Variants in MSI2 observed in about 807,000 individuals in gnomAD.
MSI2 encodes RNA-binding protein Musashi homolog 2.
Under a neutral mutation model 45.6 loss-of-function variants are expected in MSI2, and 17 were observed. The observed-to-expected ratio is 0.37, with a 90% CI of 0.26 to 0.56. The LOEUF (loss-of-function observed/expected upper bound fraction) is 0.56, where lower values mean the gene tolerates loss of function less well. Among genes scored for constraint, MSI2 ranks in the 20% least tolerant of loss-of-function variants. The pLI is 0.77. For synonymous variants in MSI2, 156 were observed against 158.2 expected, an observed-to-expected ratio of 0.99 and a Z score of 0.11; for missense variants, 293 against 444.2, an observed-to-expected ratio of 0.66 and a Z score of 3.06.
At chr17:57,313,598 T>G (rs979157632) in intron 5 of MSI2, among the ~76,000 whole-genome samples, 5 of 152,182 alleles carry the variant, frequency 3.3e-5, no homozygotes, top group African/African-American at 7.2e-5. Flanking sequence ...ATGATTATTC[T>G]TGGCTGCCTA....
At chr17:57,620,467 A>G (rs2144580671) in intron 9 of MSI2, among the ~76,000 whole-genome samples, 1 of 152,332 alleles carries the variant, frequency 6.6e-6, no homozygotes, top group East Asian at 1.9e-4. Flanking sequence ...AAAGTGTGGA[A>G]AAGATGTGTG....
downstream of MSI2, among the ~76,000 whole-genome samples, chr17:57,687,562 C>T (rs1383612774): frequency 1.3e-5 from 2 of 151,758 alleles, no homozygotes; most frequent in African/African-American, 4.8e-5. Flanking sequence ...AGTGGAAAAC[C>T]AGGATAAACT....
intron 7 of MSI2, among the ~76,000 whole-genome samples, chr17:57,579,192 A>G (rs993045162): frequency 2.0e-5 from 3 of 152,252 alleles, no homozygotes; most frequent in African/African-American, 7.2e-5. Flanking sequence ...AACTAAGGAA[A>G]GGATGACAGC....
In MSI2 at chr17:57,397,507, A is replaced by C. The variant is rs928153731; in HGVS notation, c.313-3872A>C. Among the ~76,000 whole-genome samples, 4 of 152,344 alleles carry C rather than the reference A, an allele frequency of 2.6e-5. No individual in the cohort carries two copies. The East Asian group carries it at 7.7e-4, about 29-fold the overall frequency. On this transcript the variant is annotated intron_variant, in intron 5 of 13. Coordinates refer to ENST00000284073, the MANE Select transcript of MSI2 (RefSeq NM_138962.4). ...AATTCGAGGACCTCCATTTAGTCCC[A>C]CTGAAAGTCAGGACACAACATCCCA...
chr17:57,346,130 T>C (rs1427198921), intron 5 of MSI2, among the ~76,000 whole-genome samples: 1 of 152,244 alleles, frequency 6.6e-6, no homozygotes, highest in African/African-American at 2.4e-5. Flanking sequence ...TATTATTTAC[T>C]TAATACTTTT....
At chr17:57,517,228 G>C (rs1178484081) in intron 6 of MSI2, among the ~76,000 whole-genome samples, 2 of 152,236 alleles carry the variant, frequency 1.3e-5, no homozygotes, top group Non-Finnish European at 2.9e-5. Flanking sequence ...GATGACTTTA[G>C]GGATAAGGGG....
At chr17:57,433,859 T>G (rs1020913917) in intron 6 of MSI2, among the ~76,000 whole-genome samples, 5 of 152,246 alleles carry the variant, frequency 3.3e-5, no homozygotes, top group Admixed American at 6.5e-5. Flanking sequence ...TCCTAACCAG[T>G]GTTTTTTGTA....
chr17:57,271,056 C>A (rs1908310612), intron 5 of MSI2, among the ~76,000 whole-genome samples: 1 of 152,170 alleles, frequency 6.6e-6, no homozygotes, highest in Non-Finnish European at 1.5e-5. Context: ...CGGGGAGCAG[C>A]TAGGGAACAG....
chr17:57,422,287 C>T (rs59928727), intron 6 of MSI2, among the ~76,000 whole-genome samples: 3,896 of 152,160 alleles, frequency 0.026, 168 homozygotes, highest in African/African-American at 0.087. Flanking sequence ...TGGTGAAACC[C>T]CATCTCTACT....
rs79263952 is a variant in MSI2 at position 57,309,734 on chromosome 17, G to A, written c.312+47542G>A. ...TTCCTGAGATCCTGCTCAGGAAGGAGTCGTTGGGGAAGAGGAGGCAGAGAG... is the reference window on the plus strand; with the variant it reads ...TTCCTGAGATCCTGCTCAGGAAGGAATCGTTGGGGAAGAGGAGGCAGAGAG... On this transcript the variant is annotated intron_variant, in intron 5 of 13. Coordinates refer to ENST00000284073, the MANE Select transcript of MSI2 (RefSeq NM_138962.4). Among the ~76,000 whole-genome samples, 369 of 152,298 alleles carry A rather than the reference G, an allele frequency of 2.4e-3. 1 individual carries two copies. The highest frequency in any genetic ancestry group is 0.014 in the Middle Eastern group (4 of 294).
chr17:57,419,232 GA>G (rs2084351182), intron 6 of MSI2, among the ~76,000 whole-genome samples: 1 of 151,568 alleles, frequency 6.6e-6, no homozygotes, highest in Non-Finnish European at 1.5e-5. Context: ...ACTGGTTAAG[GA>G]CATGAAACAA....
intron 7 of MSI2, among the ~76,000 whole-genome samples, chr17:57,575,112 G>C (rs1211828771): frequency 1.3e-5 from 2 of 151,584 alleles, no homozygotes; most frequent in Non-Finnish European, 2.9e-5. Context: ...TTACAGGCGT[G>C]AGCCACTGTG....
At chr17:57,566,740 G>C (rs1433821689) in intron 7 of MSI2, among the ~76,000 whole-genome samples, 2 of 152,204 alleles carry the variant, frequency 1.3e-5, no homozygotes, top group African/African-American at 2.4e-5. Flanking sequence ...ACGAAGCTGG[G>C]CTTGCCCGAG....
At chr17:57,451,428 GGTT>G (rs1277622377) in intron 6 of MSI2, among the ~76,000 whole-genome samples, 8 of 152,214 alleles carry the variant, frequency 5.3e-5, no homozygotes, top group Admixed American at 5.2e-4. Context: ...TCAAAGAACT[GGTT>G]GTTGTTTCAG....
At chr17:57,507,919 G>A (rs987819431) in intron 6 of MSI2, among the ~76,000 whole-genome samples, 3 of 152,204 alleles carry the variant, frequency 2.0e-5, no homozygotes, top group African/African-American at 7.2e-5. Context: ...GTCCTGAGAT[G>A]ATAGGTGTGA....
intron 5 of MSI2, among the ~76,000 whole-genome samples, chr17:57,314,802 C>A (rs577150858): frequency 1.1e-4 from 16 of 152,228 alleles, no homozygotes; most frequent in Non-Finnish European, 2.4e-4. Flanking sequence ...GATCTCCTGA[C>A]TTTGTGATCT....
At chr17:57,575,153 C>CCCCCG (rs2087998964) in intron 7 of MSI2, among the ~76,000 whole-genome samples, 1 of 138,544 alleles carries the variant, frequency 7.2e-6, no homozygotes, top group African/African-American at 2.8e-5. Flanking sequence ...TAACTCCCTC[C>CCCCCG]CCCCGCCACC....
At chr17:57,660,380 G>A (rs757259812) in intron 11 of MSI2, among the ~76,000 whole-genome samples, 16 of 152,184 alleles carry the variant, frequency 1.1e-4, no homozygotes, top group Admixed American at 6.5e-5. Flanking sequence ...TCTTTACACG[G>A]TGGTGTAAGG....
chr17:57,674,603 ACTCTCTCT>A lies in MSI2; in HGVS notation c.791-354_791-347del, dbSNP rs761335564. On this transcript the variant is annotated intron_variant, in intron 11 of 13. Transcript: ENST00000284073. ...GCATCAATTCAGATGTGAAAAAAAA[ACTCTCTCT>A]CTCTCTCTCTCTCTTCCATATATAT... Among the ~76,000 whole-genome samples the A allele has an allele frequency of 2.9e-5, 4 of 138,814 alleles. No individual in the cohort carries two copies. The East Asian group carries it at 6.5e-4, about 22-fold the overall frequency. The allele number at this position is 138,814 out of a possible 152,430, so 91.1% of individuals were successfully genotyped here.
Sources: gnomAD v4.1 joint callset for allele counts (sites outside exome capture counted in the v4.1 genomes callset) on GRCh38, gnomAD v4.1.1 for gene constraint, MANE v1.5 for transcripts, NCBI Gene and HGNC (gene_info 2026-07-23, HGNC 2026-07-21) for gene names.